The following SYNPO2 variants were observed in gnomAD, a reference collection of about 807,000 sequenced individuals.
The protein encoded by SYNPO2 is synaptopodin-2.
Under a neutral mutation model 85.0 loss-of-function variants are expected in SYNPO2, and 56 were observed. The ratio of observed to expected loss-of-function variants is 0.66; its 90% CI spans 0.53 to 0.82. SYNPO2 has a LOEUF of 0.82. SYNPO2 is among the 40% of genes least tolerant of loss of function. SYNPO2 has a pLI of 0.00. For synonymous variants in SYNPO2, 602 were observed against 591.1 expected (o/e 1.02, Z -0.27); for missense variants, 1,575 against 1,534.2 (o/e 1.03, Z -0.44).
At chr4:118,921,249 T>C (rs1301424557) in intron 1 of SYNPO2, among the ~76,000 whole-genome samples, 2 of 152,132 alleles carry the variant, frequency 1.3e-5, no homozygotes, top group Non-Finnish European at 2.9e-5. Context: ...TGGTATTCTG[T>C]AGGATTTCAT....
At chr4:118,884,124 G>T (rs988114496), upstream of SYNPO2, among the ~76,000 whole-genome samples, 6 of 152,156 alleles carry the variant, frequency 3.9e-5, no homozygotes, top group African/African-American at 1.4e-4. Flanking sequence ...TAATGAGTTA[G>T]CAAATCTGCT....
intron 1 of SYNPO2, among the ~76,000 whole-genome samples, chr4:118,967,986 A>G (rs1251059701): frequency 2.0e-5 from 3 of 152,236 alleles, no homozygotes; most frequent in Non-Finnish European, 2.9e-5. Flanking sequence ...GTGAAAAAAT[A>G]TGTGACATTC....
chr4:119,048,814 G>T (rs982621449), intron 4 of SYNPO2, among the ~76,000 whole-genome samples: 3 of 152,192 alleles, frequency 2.0e-5, no homozygotes, highest in African/African-American at 7.2e-5. Context: ...AATGCAAGGA[G>T]CTAGTTGGCA....
At chr4:118,971,224 C>T (rs979588441) in intron 1 of SYNPO2, among the ~76,000 whole-genome samples, 1 of 152,188 alleles carries the variant, frequency 6.6e-6, no homozygotes, top group African/African-American at 2.4e-5. Context: ...GTAAATTACT[C>T]TAAACAATAA....
At position 118,933,829 on chromosome 4, in the gene SYNPO2, G is replaced by GTTTTTTT. The variant is rs71595334; in HGVS notation, c.105+44699_105+44705dup. Reference sequence around the variant, plus strand: ...ATAGCTGCTTTTTGCTGTTGTTGTTGTTTTTTTTTTTTTTTTTGGACAGTA... The same window carrying GTTTTTTT: ...ATAGCTGCTTTTTGCTGTTGTTGTTGTTTTTTTTTTTTTTTTTTTTTTTTGGACAGTA... On this transcript the variant is annotated intron_variant, in intron 1 of 4. Transcript: ENST00000307142. Among the ~76,000 whole-genome samples, 476 of 102,186 alleles carry GTTTTTTT rather than the reference G, an allele frequency of 4.7e-3. 17 individuals are homozygous for GTTTTTTT. Among genetic ancestry groups the GTTTTTTT allele is most frequent in the Middle Eastern group, 0.02 (2 of 98 alleles). The allele number at this position is 102,186 out of a possible 152,430, so 67.0% of individuals were successfully genotyped here.
chr4:118,992,599 G>A (rs983053090), intron 1 of SYNPO2, among the ~76,000 whole-genome samples: 2 of 152,126 alleles, frequency 1.3e-5, no homozygotes, highest in Admixed American at 1.3e-4. Context: ...GAATCTCAGG[G>A]ATGCCTCCAA....
rs562696078 is a variant in SYNPO2, at chr4:118,906,824, A to C, written c.105+17683A>C. Among the ~76,000 whole-genome samples, 91 of 151,862 alleles carry C rather than the reference A, an allele frequency of 6.0e-4. 1 individual carries two copies. Among genetic ancestry groups the C allele is most frequent in the African/African-American group, 2.2e-3 (90 of 41,408 alleles). ...AATGCAGCTCCTTTTTAATTATTTT[A>C]TTATTTTTATTTTTCTTAGGAAACA... On this transcript the variant is annotated intron_variant, in intron 1 of 4. Transcript: ENST00000307142.
At chr4:118,932,917 C>T (rs1033737006) in intron 1 of SYNPO2, among the ~76,000 whole-genome samples, 5 of 151,992 alleles carry the variant, frequency 3.3e-5, no homozygotes, top group Admixed American at 6.6e-5. Context: ...AGCAATGCTG[C>T]GAGGAAACAT....
intron 1 of SYNPO2, among the ~76,000 whole-genome samples, chr4:119,011,633 AG>A (rs1363008672): frequency 2.0e-5 from 3 of 152,242 alleles, no homozygotes; most frequent in African/African-American, 7.2e-5. Context: ...TAAGAGGTTT[AG>A]GAGTGCCTGT....
chr4:118,932,382 A>G (rs1281781791), intron 1 of SYNPO2, among the ~76,000 whole-genome samples: 1 of 152,220 alleles, frequency 6.6e-6, no homozygotes, highest in Non-Finnish European at 1.5e-5. Context: ...GAGTTACAGC[A>G]GAGTTTTGAG....
chr4:118,982,093 A>C (rs1455773014), intron 1 of SYNPO2, among the ~76,000 whole-genome samples: 1 of 152,202 alleles, frequency 6.6e-6, no homozygotes, highest in Non-Finnish European at 1.5e-5. Flanking sequence ...AAAAATGAGA[A>C]CATACTTCCA....
chr4:118,942,136 G>GA (rs1249558921), intron 1 of SYNPO2, among the ~76,000 whole-genome samples: 5 of 152,188 alleles, frequency 3.3e-5, no homozygotes, highest in African/African-American at 1.2e-4. Context: ...CTAGCTCTGG[G>GA]AAGGACAGTC....
intron 1 of SYNPO2, among the ~76,000 whole-genome samples, chr4:118,928,127 T>G (rs555299284): frequency 6.6e-6 from 1 of 152,332 alleles, no homozygotes; most frequent in African/African-American, 2.4e-5. Flanking sequence ...CTGCCTGGCC[T>G]GCTGCCATTC....
intron 1 of SYNPO2, among the ~76,000 whole-genome samples, chr4:118,990,953 G>A (rs1470230494): frequency 1.3e-5 from 2 of 152,014 alleles, no homozygotes; most frequent in South Asian, 2.1e-4. Context: ...AGGGGCTTCC[G>A]GCAAGAGCAC....
In SYNPO2 at chr4:119,046,401, A is replaced by G. The variant is rs564642999; in HGVS notation, c.3253-11000A>G. Among the ~76,000 whole-genome samples, 383 of 152,268 alleles carry G rather than the reference A, an allele frequency of 2.5e-3. 1 individual carries two copies. The highest frequency in any genetic ancestry group is 8.7e-3 in the African/African-American group (360 of 41,548). ...AGGTCAGTGGCAATGTTTCTGGCCA[A>G]CCCAGCTGCCTGCATTCTGATGACA... On this transcript the variant is annotated intron_variant, in intron 4 of 4. Coordinates refer to ENST00000307142, the MANE Select transcript of SYNPO2 (RefSeq NM_133477.3).
chr4:119,031,004 T>A lies in SYNPO2; in HGVS notation c.2229T>A (p.Cys743Ter). The change falls in exon 4 of 5, where the codon TGT becomes TGA. Residue 743 changes from cysteine (C) to a stop codon, truncating the protein, a stop_gained. Transcript: ENST00000307142. LOFTEE classifies it high-confidence loss of function. Reference sequence around the variant, plus strand: ...ACCTCAGCTTGGGGGCAGAGGCTTGTAATTTCATGCAAAGCTCCTCTGCCA... The same window carrying A: ...ACCTCAGCTTGGGGGCAGAGGCTTGAAATTTCATGCAAAGCTCCTCTGCCA... Reference protein sequence around the residue: ...EDYLSLGAEACNFMQSSSAKQ... With the variant: ...EDYLSLGAEA 6.2e-7 allele frequency: 1 copy of A among 1,614,082 alleles called. No homozygotes were observed. Among genetic ancestry groups the A allele is most frequent in the Non-Finnish European group, 8.5e-7 (1 of 1,180,002 alleles).
intron 1 of SYNPO2, among the ~76,000 whole-genome samples, chr4:119,011,709 A>G (rs1426790601): frequency 1.3e-5 from 2 of 152,204 alleles, no homozygotes; most frequent in African/African-American, 2.4e-5. Flanking sequence ...TCATATTGTC[A>G]TTTATTCGGC....
At position 119,027,256 on chromosome 4, in the gene SYNPO2, C is replaced by T. The variant is rs1391246279; in HGVS notation, c.887C>T (p.Thr296Ile). 1 of 1,614,112 alleles carries T rather than the reference C, an allele frequency of 6.2e-7. No homozygotes were observed. Among genetic ancestry groups the T allele is most frequent in the South Asian group, 1.1e-5 (1 of 91,086 alleles). The change falls in exon 3 of 5, where the codon ACA becomes ATA. Residue 296 changes from threonine (T) to isoleucine (I), a missense_variant. By Grantham distance (89) the Thr-to-Ile change is moderately conservative. This residue lies in a region of SYNPO2 where 1,508 missense variants were observed against 1,446.8 expected (regional missense o/e 1.04). Transcript: ENST00000307142. Reference sequence around the variant, plus strand: ...CTCGACTGCTCTGACAGGCAGAAGACAGAAGGGTGCAGGCTTCAGGCAGGA... The same window carrying T: ...CTCGACTGCTCTGACAGGCAGAAGATAGAAGGGTGCAGGCTTCAGGCAGGA... ...VILDCSDRQK[T>I]EGCRLQAGKE...
intron 1 of SYNPO2, among the ~76,000 whole-genome samples, chr4:118,936,391 C>T (rs905678478): frequency 1.3e-5 from 2 of 152,144 alleles, no homozygotes; most frequent in Admixed American, 6.5e-5. Flanking sequence ...TGATCTTGAA[C>T]TCCTGGGCTC....
Sources: gnomAD v4.1 joint callset for allele counts (sites outside exome capture counted in the v4.1 genomes callset) on GRCh38, gnomAD v4.1.1 for gene constraint, gnomAD v4.1.1 regional missense constraint, MANE v1.5 for transcripts, NCBI Gene and HGNC (gene_info 2026-07-23, HGNC 2026-07-21) for gene names.